WWOX: variants seen among roughly 807,000 people sequenced by gnomAD.
WWOX encodes the protein WW domain-containing oxidoreductase.
Under a neutral mutation model 46.2 loss-of-function variants are expected in WWOX, and 69 were observed. That is an observed-to-expected ratio of 1.49 (90% CI 1.23 to 1.82). WWOX has a LOEUF of 1.82. Among genes scored for constraint, WWOX ranks in the 40% most tolerant of loss-of-function variants. WWOX has a pLI of 0.00. For synonymous variants in WWOX, 359 were observed against 202.6 expected, an observed-to-expected ratio of 1.77 and a Z score of -6.56; for missense variants, 919 against 542.6, an observed-to-expected ratio of 1.69 and a Z score of -6.89.
Position 78,432,722 on chromosome 16 carries a change from T to G in WWOX, c.1026T>G (p.Phe342Leu), listed in dbSNP as rs1322358404. 3 of 1,614,078 alleles carry G rather than the reference T, an allele frequency of 1.9e-6. No homozygotes were observed. In the African/African-American group the frequency reaches 4.0e-5, roughly 22 times the overall value. Reference sequence around the variant, plus strand: ...GCTGGTGGGTGTACACACTGCTGTTTACCTTGGCGAGGCCTTTCACCAAGT... The same window carrying G: ...GCTGGTGGGTGTACACACTGCTGTTGACCTTGGCGAGGCCTTTCACCAAGT... ...HRSWWVYTLL[F>L]TLARPFTKSM... Residue 342 changes from phenylalanine to leucine, a missense_variant, in exon 8 of 9, where the codon TTT (phenylalanine) becomes TTG (leucine). By Grantham distance (22) the Phe-to-Leu change is conservative (BLOSUM62 0). Coordinates refer to ENST00000566780, the MANE Select transcript of WWOX (RefSeq NM_016373.4).
intron 4 of WWOX, among the ~76,000 whole-genome samples, chr16:78,132,149 C>T (rs1243665417): frequency 2.6e-5 from 4 of 151,242 alleles, no homozygotes; most frequent in African/African-American, 4.9e-5. Flanking sequence ...CTCAGCCTCC[C>T]GAGTAGCTGG....
In WWOX at chr16:78,831,519, C is replaced by T. The variant is rs1343783957; in HGVS notation, c.1057-380089C>T. On this transcript the variant is annotated intron_variant, in intron 8 of 8. Coordinates refer to ENST00000566780, the MANE Select transcript of WWOX (RefSeq NM_016373.4). ...CACTGGTACCCTACGTGGGAGACCCCGGTGCCCATGCCCGGGTGCACAAAG... is the reference window on the plus strand; with the variant it reads ...CACTGGTACCCTACGTGGGAGACCCTGGTGCCCATGCCCGGGTGCACAAAG... Among the ~76,000 whole-genome samples the T allele has an allele frequency of 7.2e-5, 11 of 152,120 alleles. No individual in the cohort carries two copies. The South Asian group carries it at 8.3e-4, about 11-fold the overall frequency.
At chr16:78,997,444 T>C (rs572912628) in intron 8 of WWOX, among the ~76,000 whole-genome samples, 106 of 152,344 alleles carry the variant, frequency 7.0e-4, no homozygotes, top group African/African-American at 2.5e-3. Flanking sequence ...TATTTCTGTA[T>C]ATCTGTATGG....
At position 78,385,331 on chromosome 16, in the gene WWOX, C is replaced by T. The variant is rs117220100; in HGVS notation, c.517-1529C>T. The stretch of plus-strand genomic sequence containing the variant: ...ACTACCATTTATTGCCAAGTGGCAT[C>T]GGGACAAGAGTTTTACACAAGAAAC... On this transcript the variant is annotated intron_variant, in intron 5 of 8. Transcript: ENST00000566780. Among the ~76,000 whole-genome samples, 102 of 152,212 alleles carry T rather than the reference C, an allele frequency of 6.7e-4. No homozygotes were observed. The East Asian group carries it at 0.015, about 22-fold the overall frequency.
Position 78,432,698 on chromosome 16 carries a change from C to T in WWOX, c.1002C>T (p.Ser334=). 6.2e-7 allele frequency: 1 copy of T among 1,614,228 alleles called. No homozygotes were observed. Among genetic ancestry groups the T allele is most frequent in the Non-Finnish European group, 8.5e-7 (1 of 1,180,040 alleles). The change falls in exon 8 of 9, where the codon AGC becomes AGT. Residue 334 remains serine, a synonymous_variant. Transcript: ENST00000566780. ...GNMMYSNIHR[S]WWVYTLLFTL... is the part of the protein sequence containing the mutation. ...TGATGTACTCCAACATTCATCGCAGCTGGTGGGTGTACACACTGCTGTTTA... is the reference window on the plus strand; with the variant it reads ...TGATGTACTCCAACATTCATCGCAGTTGGTGGGTGTACACACTGCTGTTTA...
intron 8 of WWOX, among the ~76,000 whole-genome samples, chr16:78,910,211 A>G (rs183525592): frequency 6.6e-6 from 1 of 152,286 alleles, no homozygotes; most frequent in East Asian, 1.9e-4. Context: ...AGAAGCATGA[A>G]CTGTCACTTC....
intron 8 of WWOX, among the ~76,000 whole-genome samples, chr16:78,933,674 C>T (rs932038496): frequency 6.6e-6 from 1 of 152,058 alleles, no homozygotes; most frequent in African/African-American, 2.4e-5. Context: ...CTCACAATTA[C>T]GGGGGCAGAC....
intron 4 of WWOX, among the ~76,000 whole-genome samples, chr16:78,117,606 T>G (rs1391810433): frequency 6.6e-6 from 1 of 152,156 alleles, no homozygotes; most frequent in Non-Finnish European, 1.5e-5. Context: ...TTAGAAAGTG[T>G]CCTTGCCCAA....
At chr16:78,364,327 C>G (rs558835613) in intron 5 of WWOX, among the ~76,000 whole-genome samples, 2 of 152,104 alleles carry the variant, frequency 1.3e-5, no homozygotes, top group East Asian at 1.9e-4. Flanking sequence ...ATTGGTTGGT[C>G]TCTGAACTAA....
intron 8 of WWOX, among the ~76,000 whole-genome samples, chr16:79,105,738 C>T (rs1366113983): frequency 1.3e-5 from 2 of 151,796 alleles, no homozygotes; most frequent in African/African-American, 2.4e-5. Context: ...TCTTGGCTCA[C>T]TGCAACCTCC....
chr16:78,188,254 C>G (rs559730796), intron 5 of WWOX, among the ~76,000 whole-genome samples: 1 of 152,074 alleles, frequency 6.6e-6, no homozygotes, highest in African/African-American at 2.4e-5. Context: ...CTTTGGGAGG[C>G]CGAGGCGGGC....
intron 8 of WWOX, among the ~76,000 whole-genome samples, chr16:78,625,972 A>G (rs1476958001): frequency 2.0e-5 from 3 of 151,692 alleles, no homozygotes; most frequent in Non-Finnish European, 4.4e-5. Flanking sequence ...ATTACTTAAA[A>G]GTAATGGCAC....
chr16:78,573,997 G>C (rs950269200), intron 8 of WWOX, among the ~76,000 whole-genome samples: 1 of 152,210 alleles, frequency 6.6e-6, no homozygotes, highest in African/African-American at 2.4e-5. Flanking sequence ...TTGGTAGCTT[G>C]ACTGGGGAAG....
intron 5 of WWOX, among the ~76,000 whole-genome samples, chr16:78,247,822 AG>A (rs2151825606): frequency 6.6e-6 from 1 of 152,260 alleles, no homozygotes; most frequent in South Asian, 2.1e-4. Context: ...GCATTGATGG[AG>A]GTCTCATACT....
At chr16:78,853,758 T>A (rs901355436) in intron 8 of WWOX, among the ~76,000 whole-genome samples, 1 of 152,112 alleles carries the variant, frequency 6.6e-6, no homozygotes, top group Admixed American at 6.5e-5. Context: ...AGCATGTATC[T>A]ACATCCCAGG....
chr16:78,857,176 A>C, intron 8 of WWOX, among the ~76,000 whole-genome samples: 1 of 152,206 alleles, frequency 6.6e-6, no homozygotes, highest in East Asian at 1.9e-4. Context: ...TGGCTAAGGG[A>C]AAAGAAAAAT....
At chr16:78,347,281 A>C (rs780894266) in intron 5 of WWOX, among the ~76,000 whole-genome samples, 1 of 111,840 alleles carries the variant, frequency 8.9e-6, no homozygotes, top group Admixed American at 9.0e-5. Context: ...CCCTCTGGCC[A>C]ATGCTCCTTC....
At chr16:78,965,636 C>T (rs962757466) in intron 8 of WWOX, among the ~76,000 whole-genome samples, 35 of 151,820 alleles carry the variant, frequency 2.3e-4, no homozygotes, top group Non-Finnish European at 8.8e-5. Context: ...AAGATTCTGG[C>T]ACTGTTAGCA....
In WWOX at chr16:78,347,856, C is replaced by G. The variant is rs1412529556; in HGVS notation, c.517-39004C>G. ...CTGGAAGGAATTCATTTTCCACTTT[C>G]CTTAATGTTCCTTAAATGTTGTACA... On this transcript the variant is annotated intron_variant, in intron 5 of 8. Transcript: ENST00000566780. 2.5e-5 allele frequency among the ~76,000 whole-genome samples: 3 copies of G among 121,406 alleles called. 1 individual carries two copies. Among genetic ancestry groups the G allele is most frequent in the Non-Finnish European group, 5.9e-5 (3 of 50,808 alleles). 79.6% of individuals were successfully genotyped at this position (121,406 alleles called of 152,430 possible).
Sources: gnomAD v4.1 joint callset for allele counts (sites outside exome capture counted in the v4.1 genomes callset) on GRCh38, gnomAD v4.1.1 for gene constraint, MANE v1.5 for transcripts, NCBI Gene and HGNC (gene_info 2026-07-23, HGNC 2026-07-21) for gene names.